The following SPAG9 variants were observed in gnomAD, a reference collection of about 807,000 sequenced individuals.
SPAG9 encodes the protein sperm associated antigen 9.
Under a neutral mutation model 166.5 loss-of-function variants are expected in SPAG9, and 35 were observed. That is an observed-to-expected ratio of 0.21 (90% confidence interval 0.16 to 0.28). The LOEUF (loss-of-function observed/expected upper bound fraction) is 0.28, where lower values mean the gene tolerates loss of function less well. Among genes scored for constraint, SPAG9 ranks in the 10% least tolerant of loss-of-function variants. The pLI, the probability that SPAG9 is intolerant of heterozygous loss-of-function variation, is 1.00. For missense variants in SPAG9, 1,235 were observed against 1,603.3 expected (o/e 0.77, Z 3.92); for synonymous variants, 534 against 565.5 (o/e 0.94, Z 0.79).
chr17:51,005,229 C>T lies in SPAG9; in HGVS notation c.1459G>A (p.Ala487Thr), dbSNP rs2045156023. The T allele has an allele frequency of 1.2e-6, 2 of 1,613,814 alleles. No individual in the cohort carries two copies. The highest frequency in any genetic ancestry group is 2.7e-5 in the African/African-American group (2 of 74,916). The change falls in exon 12 of 30, where the codon GCA (alanine) becomes ACA (threonine). Residue 487 changes from alanine to threonine, a missense_variant. Physicochemically the swap from Ala to Thr is moderately conservative, Grantham distance 58 (BLOSUM62 0). This residue lies in a region of SPAG9 where 125 missense variants were observed against 194.0 expected (regional missense o/e 0.64). Transcript: ENST00000262013. ...AAACCTACATCATCGTCATCTTTTG[C>T]TTTTTGCCTTGCATCTTCAGCTTCT... ...RAEAEDARQK[A>T]KDDDDSDIPT...
At chr17:51,038,895 TTTC>T (rs2046723550) in intron 5 of SPAG9, among the ~76,000 whole-genome samples, 1 of 152,230 alleles carries the variant, frequency 6.6e-6, no homozygotes, top group Non-Finnish European at 1.5e-5. Flanking sequence ...TGTACAAATA[TTTC>T]TTTTTAAGAA....
rs530220059 is a variant in SPAG9, at chr17:50,979,767, G to C, written c.3388C>G (p.Pro1130Ala). ...TTACCTAACATTTTGCTTACATAAG[G>C]CTCAATGTCCACATCCTGTAGATGT... ...YQHLQDVDIE[P>A]YVSKMLGTGK... Residue 1130 changes from proline to alanine, a missense_variant, in exon 26 of 30, where the codon CCT becomes GCT. Pro to Ala is a conservative substitution (Grantham distance 27). Transcript: ENST00000262013. 1.2e-6 allele frequency: 2 copies of C among 1,612,320 alleles called. No homozygotes were observed. The highest frequency in any genetic ancestry group is 1.7e-6 in the Non-Finnish European group (2 of 1,178,482).
intron 2 of SPAG9, among the ~76,000 whole-genome samples, chr17:51,069,851 G>C (rs1253757494): frequency 6.6e-6 from 1 of 152,078 alleles, no homozygotes; most frequent in African/African-American, 2.4e-5. Context: ...AAAGTATAAG[G>C]ATCTAACACA....
chr17:51,090,209 G>C (rs1162573075), intron 1 of SPAG9, among the ~76,000 whole-genome samples: 1 of 152,034 alleles, frequency 6.6e-6, no homozygotes, highest in Non-Finnish European at 1.5e-5. Flanking sequence ...GATTCACAAA[G>C]CGAGTAAAAA....
At chr17:51,014,177 T>G in intron 9 of SPAG9, 55 bp downstream of exon 9, 1 of 1,513,784 alleles carries the variant, frequency 6.6e-7, no homozygotes, top group Middle Eastern at 1.8e-4. Flanking sequence ...AATTAAATCA[T>G]TTAAAAAATC....
intron 1 of SPAG9, among the ~76,000 whole-genome samples, chr17:51,085,959 ATT>A (rs34918673): frequency 5.4e-3 from 474 of 88,010 alleles, no homozygotes; most frequent in African/African-American, 0.016. Context: ...CTTGGAAATC[ATT>A]TTTTTTTTTT....
intron 13 of SPAG9, 114 bp downstream of exon 13, chr17:51,001,601 G>T: frequency 9.9e-7 from 1 of 1,008,596 alleles, no homozygotes; most frequent in Non-Finnish European, 1.4e-6. Flanking sequence ...GTCTCTCCTA[G>T]TAAACAGAGA....
chr17:51,085,505 A>C (rs978915712), intron 1 of SPAG9: 8 of 152,206 alleles, frequency 5.3e-5, no homozygotes, highest in African/African-American at 1.9e-4. Context: ...CAGAGAGAAA[A>C]GAGATTTTTT....
chr17:51,088,568 G>A (rs1036232660), intron 1 of SPAG9, among the ~76,000 whole-genome samples: 3 of 151,984 alleles, frequency 2.0e-5, no homozygotes, highest in African/African-American at 7.3e-5. Context: ...AGGCCAAGGT[G>A]GGCAGATCAC....
intron 6 of SPAG9, among the ~76,000 whole-genome samples, chr17:51,030,577 T>C (rs976377501): frequency 1.3e-5 from 2 of 152,218 alleles, no homozygotes; most frequent in Admixed American, 1.3e-4. Flanking sequence ...CAAAATGGTG[T>C]GTACATACAT....
At chr17:51,004,280 T>C (rs1373867090) in intron 12 of SPAG9, among the ~76,000 whole-genome samples, 1 of 152,166 alleles carries the variant, frequency 6.6e-6, no homozygotes, top group African/African-American at 2.4e-5. Context: ...AGGTTCACAA[T>C]GTTAATTTAT....
chr17:50,994,994 T>G lies in SPAG9; in HGVS notation c.2226+63A>C. On this transcript the variant is annotated intron_variant, in intron 18 of 29. Coordinates refer to ENST00000262013, the MANE Select transcript of SPAG9 (RefSeq NM_001130528.3). ...TAGAAGCTGGACCCAGAGGCAAATT[T>G]TGGATGAAAGAGTTAAACTCATAGT... 3 of 1,357,584 alleles carry G rather than the reference T, an allele frequency of 2.2e-6. No homozygotes were observed. In the South Asian group the frequency reaches 4.6e-5, roughly 21 times the overall value. 84.1% of individuals were successfully genotyped at this position (1,357,584 alleles called of 1,614,324 possible).
At chr17:51,118,354 G>T (rs1176896178) in intron 1 of SPAG9, among the ~76,000 whole-genome samples, 1 of 152,116 alleles carries the variant, frequency 6.6e-6, no homozygotes, top group Non-Finnish European at 1.5e-5. Context: ...ATTTACTCAA[G>T]AAATTAATAG....
intron 19 of SPAG9, among the ~76,000 whole-genome samples, chr17:50,991,925 T>C (rs959049071): frequency 1.5e-4 from 15 of 100,706 alleles, no homozygotes; most frequent in Middle Eastern, 8.4e-3. Flanking sequence ...TGCCAGGTCT[T>C]TTTTTTTTTT....
chr17:51,037,620 A>C (rs1406596355), intron 5 of SPAG9, among the ~76,000 whole-genome samples: 1 of 145,778 alleles, frequency 6.9e-6, no homozygotes, highest in Non-Finnish European at 1.5e-5. Context: ...CTCAAATAAA[A>C]AAAAAAAATT....
rs59713190 is a variant in SPAG9, at chr17:51,014,385, CA to C, written c.1092-33del. The C allele has an allele frequency of 4.1e-3, 6,496 of 1,581,000 alleles. 247 individuals are homozygous for C. In the African/African-American group the frequency reaches 0.077, roughly 19 times the overall value. On this transcript the variant is annotated intron_variant, in intron 8 of 29. Transcript: ENST00000262013. ...AACAAGAACAACAAAACCAAATCAA[CA>C]AATGACAAAGACTTTTTTGACGCTG...
At position 50,965,350 on chromosome 17, in the gene SPAG9, T is replaced by C. The variant is rs1200660837; in HGVS notation, c.*922A>G. 1 of 152,204 alleles carries C rather than the reference T, an allele frequency of 6.6e-6. No individual in the cohort carries two copies. Among genetic ancestry groups the C allele is most frequent in the African/African-American group, 2.4e-5 (1 of 41,456 alleles). The allele number at this position is 152,204 out of a possible 1,614,324, so 9.4% of individuals were successfully genotyped here. A position where few individuals can be genotyped will look rare whatever the true frequency, so the allele number is the denominator to read the frequency against. ...TACAGTTTTACTTGTATTAACAGGT[T>C]AAGAGCAATCTAGGAACATTTGGCA... On this transcript the variant is annotated 3_prime_UTR_variant, in exon 30 of 30. Transcript: ENST00000262013.
chr17:51,096,621 TTAC>T (rs1409530518), intron 1 of SPAG9, among the ~76,000 whole-genome samples: 5 of 152,290 alleles, frequency 3.3e-5, no homozygotes, highest in Admixed American at 6.6e-5. Flanking sequence ...GCACCGAATG[TTAC>T]TACAACAACA....
At chr17:51,105,766 A>C (rs1052259298) in intron 1 of SPAG9, among the ~76,000 whole-genome samples, 3 of 151,980 alleles carry the variant, frequency 2.0e-5, no homozygotes, top group African/African-American at 7.3e-5. Context: ...GCTACTCAGG[A>C]GGCTGAGGCA....
Sources: gnomAD v4.1 joint callset for allele counts (sites outside exome capture counted in the v4.1 genomes callset) on GRCh38, gnomAD v4.1.1 for gene constraint, gnomAD v4.1.1 regional missense constraint, MANE v1.5 for transcripts, NCBI Gene and HGNC (gene_info 2026-07-23, HGNC 2026-07-21) for gene names.